Variants in TYW1B observed in about 807,000 individuals in gnomAD.
TYW1B encodes tRNA-yW synthesizing protein 1 homolog B, also known as S-adenosyl-L-methionine-dependent tRNA 4-demethylwyosine synthase TYW1B.
Under a neutral mutation model 86.9 loss-of-function variants are expected in TYW1B, and 73 were observed. The observed-to-expected ratio is 0.84, with a 90% confidence interval of 0.70 to 1.02. The LOEUF is 1.02. Ranked by LOEUF, TYW1B falls within the 50% of genes least tolerant of loss-of-function variation. The pLI is 0.00. For synonymous variants in TYW1B, 248 were observed against 292.8 expected (o/e 0.85, Z 1.56); for missense variants, 637 against 827.4 (o/e 0.77, Z 2.82).
intron 8 of TYW1B, among the ~76,000 whole-genome samples, chr7:72,733,356 G>A (rs1383630402): frequency 1.3e-5 from 2 of 152,142 alleles, no homozygotes; most frequent in Non-Finnish European, 2.9e-5. Flanking sequence ...TATCCCCGAT[G>A]AACAAAGGTA....
intron 7 of TYW1B, among the ~76,000 whole-genome samples, chr7:72,771,300 G>A (rs1554469559): frequency 6.6e-6 from 1 of 152,036 alleles, no homozygotes; most frequent in East Asian, 1.9e-4. Flanking sequence ...CTAAGTAACA[G>A]TAATAGCAAT....
At chr7:72,664,903 T>C (rs1190614766) in intron 11 of TYW1B, among the ~76,000 whole-genome samples, 1 of 152,210 alleles carries the variant, frequency 6.6e-6, no homozygotes, top group Non-Finnish European at 1.5e-5. Context: ...ATTTAATCTA[T>C]GCACATTCTC....
At chr7:72,704,390 C>A (rs1346247908) in intron 10 of TYW1B, among the ~76,000 whole-genome samples, 4 of 146,718 alleles carry the variant, frequency 2.7e-5, no homozygotes, top group African/African-American at 1.0e-4. Context: ...GCCCAGATCG[C>A]ACCACTGCAC....
intron 9 of TYW1B, among the ~76,000 whole-genome samples, chr7:72,722,724 A>G (rs1346514497): frequency 6.6e-6 from 1 of 152,168 alleles, no homozygotes; most frequent in Non-Finnish European, 1.5e-5. Flanking sequence ...CAGTTGGGGA[A>G]CTCAGACAAT....
At chr7:72,656,309 C>A (rs1424609630) in intron 11 of TYW1B, among the ~76,000 whole-genome samples, 2 of 152,108 alleles carry the variant, frequency 1.3e-5, no homozygotes, top group African/African-American at 4.8e-5. Flanking sequence ...AGGAAAAAGT[C>A]TTTGCCTCTG....
chr7:72,587,947 G>T (rs1585828167), intron 13 of TYW1B, among the ~76,000 whole-genome samples: 1 of 152,150 alleles, frequency 6.6e-6, no homozygotes, highest in Non-Finnish European at 1.5e-5. Context: ...TGCAATGGTG[G>T]TTTCATTACA....
At chr7:72,700,711 C>G (rs1344248940) in intron 10 of TYW1B, among the ~76,000 whole-genome samples, 1 of 152,074 alleles carries the variant, frequency 6.6e-6, no homozygotes, top group African/African-American at 2.4e-5. Context: ...CCATGGGTCT[C>G]TGAGAGACTT....
chr7:72,715,959 T>G (rs1554455858), intron 9 of TYW1B, among the ~76,000 whole-genome samples: 1 of 152,098 alleles, frequency 6.6e-6, no homozygotes, highest in Non-Finnish European at 1.5e-5. Flanking sequence ...GAGATGGAGT[T>G]GCGCTCCATC....
At chr7:72,690,673 G>C (rs540178038) in intron 11 of TYW1B, among the ~76,000 whole-genome samples, 3 of 152,326 alleles carry the variant, frequency 2.0e-5, no homozygotes, top group Admixed American at 2.0e-4. Flanking sequence ...ATAACAGTAT[G>C]GATGTTCTAA....
intron 9 of TYW1B, among the ~76,000 whole-genome samples, chr7:72,723,545 T>C (rs1227004192): frequency 1.3e-5 from 2 of 152,160 alleles, no homozygotes; most frequent in African/African-American, 2.4e-5. Context: ...GGCTGAAGGA[T>C]TGCTTGAGCC....
chr7:72,775,784 A>G (rs1255550986), intron 7 of TYW1B, among the ~76,000 whole-genome samples: 3 of 152,122 alleles, frequency 2.0e-5, no homozygotes, highest in Non-Finnish European at 2.9e-5. Flanking sequence ...AAAGGATACC[A>G]GACGGAACAC....
At chr7:72,806,899 C>A (rs1369809047) in intron 5 of TYW1B, among the ~76,000 whole-genome samples, 167 bp downstream of exon 5, 1 of 152,130 alleles carries the variant, frequency 6.6e-6, no homozygotes, top group South Asian at 2.1e-4. Flanking sequence ...GCAATACCCC[C>A]ACCTTGGCCT....
At chr7:72,710,047 C>G (rs768669575) in intron 10 of TYW1B, among the ~76,000 whole-genome samples, 15 of 152,252 alleles carry the variant, frequency 9.9e-5, no homozygotes, top group Non-Finnish European at 1.3e-4. Context: ...AACAAATGTG[C>G]CCGGCATTTT....
At chr7:72,749,319 T>A (rs545937914) in intron 7 of TYW1B, among the ~76,000 whole-genome samples, 5 of 152,158 alleles carry the variant, frequency 3.3e-5, no homozygotes, top group South Asian at 2.1e-4. Flanking sequence ...TTTGAGATGG[T>A]GTCTCGCTCT....
chr7:72,724,066 A>G (rs1786954714), intron 9 of TYW1B, among the ~76,000 whole-genome samples: 1 of 152,010 alleles, frequency 6.6e-6, no homozygotes, highest in African/African-American at 2.4e-5. Flanking sequence ...TGGATTTTCA[A>G]AAATAATGGC....
chr7:72,689,828 C>T (rs1245375495), intron 11 of TYW1B, among the ~76,000 whole-genome samples: 1 of 152,138 alleles, frequency 6.6e-6, no homozygotes, highest in Non-Finnish European at 1.5e-5. Context: ...TTACTTCCCC[C>T]AAATTTCCAT....
At chr7:72,652,143 T>C (rs1343337646) in intron 11 of TYW1B, among the ~76,000 whole-genome samples, 8 of 152,098 alleles carry the variant, frequency 5.3e-5, no homozygotes, top group African/African-American at 1.4e-4. Context: ...TTTGGGAGGC[T>C]GAGGCAGGCG....
chr7:72,810,998 G>A (rs1387825089), intron 3 of TYW1B, among the ~76,000 whole-genome samples: 6 of 152,040 alleles, frequency 3.9e-5, no homozygotes, highest in Non-Finnish European at 7.4e-5. Flanking sequence ...CAGGCCGGGT[G>A]CGGTGGCTCA....
intron 10 of TYW1B, among the ~76,000 whole-genome samples, chr7:72,704,712 T>TG (rs1585916415): frequency 1.3e-5 from 2 of 152,272 alleles, no homozygotes; most frequent in East Asian, 3.9e-4. Flanking sequence ...TTATCTCACA[T>TG]ACTCGCAATG....
Sources: gnomAD v4.1 joint callset for allele counts (sites outside exome capture counted in the v4.1 genomes callset) on GRCh38, gnomAD v4.1.1 for gene constraint, MANE v1.5 for transcripts, NCBI Gene and HGNC (gene_info 2026-07-23, HGNC 2026-07-21) for gene names.